Variants in BPIFB3 observed in about 807,000 individuals in gnomAD.
BPIFB3 encodes BPI fold-containing family B member 3.
BPIFB3 carries 49 observed loss-of-function variants against 53.1 expected under a neutral mutation model. The ratio of observed to expected loss-of-function variants is 0.92; its 90% CI spans 0.73 to 1.17. BPIFB3 has a LOEUF of 1.17. BPIFB3 is among the 50% of genes most tolerant of loss of function. The probability of loss-of-function intolerance (pLI) is 0.00; values close to 1 mark genes in which losing one functional copy is unlikely to be tolerated. For synonymous variants in BPIFB3, 271 were observed against 269.6 expected (o/e 1.01, Z -0.05); for missense variants, 628 against 592.5 (o/e 1.06, Z -0.62).
intron 2 of BPIFB3, among the ~76,000 whole-genome samples, chr20:33,057,846 G>A (rs1446018181): frequency 1.3e-5 from 2 of 151,270 alleles, no homozygotes; most frequent in African/African-American, 4.9e-5. Flanking sequence ...ATTTTTGAAT[G>A]AATGAATGAA....
At chr20:33,057,361 G>C (rs1342761237) in intron 2 of BPIFB3, among the ~76,000 whole-genome samples, 1 of 151,960 alleles carries the variant, frequency 6.6e-6, no homozygotes, top group Non-Finnish European at 1.5e-5. Context: ...GCTAATTTTT[G>C]TAGTTTTAGT....
intron 10 of BPIFB3, 38 bp downstream of exon 11, chr20:33,069,011 G>A (rs960349585): frequency 1.9e-6 from 3 of 1,593,574 alleles, no homozygotes; most frequent in Non-Finnish European, 2.6e-6. Flanking sequence ...CCGGCATTGG[G>A]GTTCCAAATG....
chr20:33,061,062 T>C (rs1359824490), intron 4 of BPIFB3, among the ~76,000 whole-genome samples: 1 of 152,120 alleles, frequency 6.6e-6, no homozygotes, highest in Non-Finnish European at 1.5e-5. Flanking sequence ...CCAATCCCAA[T>C]CCCGGCCCCT....
At chr20:33,058,846 A>T (rs1393179001) in intron 2 of BPIFB3, among the ~76,000 whole-genome samples, 1 of 151,982 alleles carries the variant, frequency 6.6e-6, no homozygotes, top group Non-Finnish European at 1.5e-5. Flanking sequence ...AGGAGTCAGC[A>T]AGCTGAAGAG....
chr20:33,063,546 T>C (rs1264009359), intron 5 of BPIFB3, 69 bp from the exon 7 acceptor site: 1 of 1,546,874 alleles, frequency 6.5e-7, no homozygotes, highest in Admixed American at 1.7e-5. Context: ...AGCAAAGCAT[T>C]TAAAGAACAT....
At chr20:33,069,805 A>T (rs571336185) in intron 10 of BPIFB3, 83 bp from the exon 12 acceptor site, 17 of 1,390,468 alleles carry the variant, frequency 1.2e-5, no homozygotes, top group Non-Finnish European at 1.7e-5. Flanking sequence ...GGGTTAGTGG[A>T]CGGAACAGAT....
intron 3 of BPIFB3, 71 bp downstream of exon 4, chr20:33,059,553 T>A: frequency 8.8e-7 from 1 of 1,136,560 alleles, no homozygotes. Flanking sequence ...AGACTCCTAC[T>A]CTGCTGTCCC....
intron 4 of BPIFB3, among the ~76,000 whole-genome samples, chr20:33,061,029 C>G (rs376217774): frequency 1.3e-5 from 2 of 152,342 alleles, no homozygotes; most frequent in South Asian, 4.1e-4. Flanking sequence ...TGTGTCTCCC[C>G]GTTCTGTGTC....
chr20:33,059,327 T>C (rs1459456963), intron 2 of BPIFB3, 51 bp from the exon 4 acceptor site: 1 of 1,442,190 alleles, frequency 6.9e-7, no homozygotes, highest in Non-Finnish European at 9.6e-7. Context: ...GGGCGCCGCC[T>C]GGGCTGGGAT....
chr20:33,060,957 C>T (rs187469881), intron 4 of BPIFB3, among the ~76,000 whole-genome samples: 1 of 152,212 alleles, frequency 6.6e-6, no homozygotes, highest in Non-Finnish European at 1.5e-5. Flanking sequence ...AGAGGGGCTG[C>T]GCTCTGGCTG....
intron 5 of BPIFB3, among the ~76,000 whole-genome samples, chr20:33,062,905 T>G (rs1014995833): frequency 2.0e-5 from 3 of 152,184 alleles, no homozygotes; most frequent in African/African-American, 7.2e-5. Flanking sequence ...GGGCCCCCAC[T>G]TGACATGTGA....
intron 6 of BPIFB3, 91 bp downstream of exon 7, chr20:33,063,766 G>A (rs1246569564): frequency 5.2e-6 from 7 of 1,357,318 alleles, no homozygotes; most frequent in Admixed American, 2.2e-5. Flanking sequence ...AGCCAGAAGC[G>A]GCAGGATCTC....
intron 9 of BPIFB3, among the ~76,000 whole-genome samples, chr20:33,068,491 C>T (rs1306221518): frequency 6.6e-6 from 1 of 152,194 alleles, no homozygotes; most frequent in Non-Finnish European, 1.5e-5. Flanking sequence ...AGGGAGAACG[C>T]AGGGCAGCAG....
intron 9 of BPIFB3, among the ~76,000 whole-genome samples, chr20:33,067,276 T>C (rs1980707900): frequency 6.6e-6 from 1 of 152,168 alleles, no homozygotes; most frequent in Non-Finnish European, 1.5e-5. Context: ...GTCAGGTAGG[T>C]CTCACTAGTG....
intron 4 of BPIFB3, 79 bp from the exon 6 acceptor site, chr20:33,061,689 C>T: frequency 7.1e-7 from 1 of 1,410,990 alleles, no homozygotes; most frequent in South Asian, 1.2e-5. Context: ...TCCAGAGCCC[C>T]TAGTGTCCGC....
At chr20:33,056,720 C>T in intron 2 of BPIFB3, 22 bp downstream of exon 3, 1 of 1,539,946 alleles carries the variant, frequency 6.5e-7, no homozygotes, top group Non-Finnish European at 8.7e-7. Flanking sequence ...CTGCTGCATG[C>T]CCTACAGGAA....
rs550749207 is a variant in BPIFB3, at chr20:33,064,924, C to G, written c.924+79C>G. 1.3e-4 allele frequency: 185 copies of G among 1,461,114 alleles called. 1 individual carries two copies. The South Asian group carries it at 2.3e-3, about 18-fold the overall frequency. 90.5% of individuals were successfully genotyped at this position (1,461,114 alleles called of 1,614,324 possible). A position where few individuals can be genotyped will look rare whatever the true frequency, so the allele number is the denominator to read the frequency against. ...TGGCATTACTAGTGTTGACCTAGGC[C>G]CTGATCAGCCTTGCTGAGCCCTCCT... On this transcript the variant is annotated intron_variant, in intron 8 of 14. Transcript: ENST00000375494.
chr20:33,055,544 A>C (rs1408462504), exon 1 of BPIFB3: 7 of 1,613,564 alleles, frequency 4.3e-6, no homozygotes, highest in Non-Finnish European at 5.9e-6. Flanking sequence ...TGAACTCGGC[A>C]AAGGTGAGCC....
At chr20:33,061,740 G>T (rs769651867) in intron 4 of BPIFB3, 28 bp from the exon 6 acceptor site, 1 of 1,611,222 alleles carries the variant, frequency 6.2e-7, no homozygotes, top group East Asian at 2.2e-5. Context: ...CCTGGCAGCC[G>T]CACCCACATG....
Sources: gnomAD v4.1 joint callset for allele counts (sites outside exome capture counted in the v4.1 genomes callset) on GRCh38, gnomAD v4.1.1 for gene constraint, MANE v1.5 for transcripts, NCBI Gene and HGNC (gene_info 2026-07-23, HGNC 2026-07-21) for gene names.